Variants in CCSER2 observed in about 807,000 individuals in gnomAD.
CCSER2 encodes the protein coiled-coil serine rich protein 2.
A neutral mutation model predicts 92.3 loss-of-function variants in CCSER2; 46 were observed. The observed-to-expected ratio is 0.50, with a 90% confidence interval of 0.39 to 0.64. CCSER2 has a LOEUF of 0.64. Among genes scored for constraint, CCSER2 ranks in the 30% least tolerant of loss-of-function variants. The probability of loss-of-function intolerance (pLI) is 0.00; values close to 1 mark genes in which losing one functional copy is unlikely to be tolerated. For synonymous variants in CCSER2, 433 were observed against 431.4 expected (o/e 1.00, Z -0.04); for missense variants, 1,244 against 1,238.9 (o/e 1.00, Z -0.06).
chr10:84,451,264 T>TTG (rs1554853084), intron 6 of CCSER2, among the ~76,000 whole-genome samples: 19 of 136,272 alleles, frequency 1.4e-4, no homozygotes, highest in Admixed American at 4.6e-4. Context: ...GTTTTTTTTT[T>TTG]TTGTTTTTTG....
At chr10:84,440,166 G>A (rs1844438514) in intron 6 of CCSER2, among the ~76,000 whole-genome samples, 1 of 152,134 alleles carries the variant, frequency 6.6e-6, no homozygotes, top group African/African-American at 2.4e-5. Context: ...AAATAAAAAA[G>A]TGTTTTTTGA....
At chr10:84,483,765 GA>G (rs1847594968) in intron 9 of CCSER2, among the ~76,000 whole-genome samples, 1 of 148,658 alleles carries the variant, frequency 6.7e-6, no homozygotes, top group Non-Finnish European at 1.5e-5. Context: ...TTTTATGTTG[GA>G]AAAATGTCAA....
intron 8 of CCSER2, among the ~76,000 whole-genome samples, chr10:84,477,295 A>C (rs796527656): frequency 2.4e-4 from 37 of 152,340 alleles, no homozygotes; most frequent in African/African-American, 7.7e-4. Flanking sequence ...GAATAAGATG[A>C]GAGACCACTG....
At chr10:84,346,344 G>A (rs757703521) in intron 1 of CCSER2, among the ~76,000 whole-genome samples, 4 of 151,850 alleles carry the variant, frequency 2.6e-5, no homozygotes, top group African/African-American at 7.3e-5. Flanking sequence ...GATTACAGGC[G>A]TGAGCCACCG....
At chr10:84,401,499 A>T (rs929639219) in intron 3 of CCSER2, among the ~76,000 whole-genome samples, 1 of 152,220 alleles carries the variant, frequency 6.6e-6, no homozygotes, top group Non-Finnish European at 1.5e-5. Flanking sequence ...GTTGAAATAG[A>T]TAATTTGAAT....
chr10:84,409,635 T>G (rs1279790891), intron 3 of CCSER2, among the ~76,000 whole-genome samples: 20 of 152,098 alleles, frequency 1.3e-4, no homozygotes, highest in Admixed American at 1.3e-3. Context: ...TATGTTCAAA[T>G]GGAAAACATT....
At chr10:84,365,075 T>C (rs1319307876) in intron 1 of CCSER2, among the ~76,000 whole-genome samples, 4 of 152,098 alleles carry the variant, frequency 2.6e-5, no homozygotes, top group Admixed American at 2.0e-4. Context: ...ATACCAATAC[T>C]GTAAATTTGC....
intron 4 of CCSER2, 103 bp downstream of exon 4, chr10:84,417,964 C>A: frequency 1.5e-6 from 1 of 666,120 alleles, no homozygotes; most frequent in Non-Finnish European, 2.8e-6. Context: ...CTTAATGGAG[C>A]CTTTCAGACT....
chr10:84,448,305 C>A (rs1252124991), intron 6 of CCSER2, among the ~76,000 whole-genome samples: 3 of 152,148 alleles, frequency 2.0e-5, no homozygotes, highest in Non-Finnish European at 4.4e-5. Context: ...CCATGCCAGG[C>A]TGCTGATTAT....
chr10:84,465,378 G>T lies in CCSER2; in HGVS notation c.2148+1362G>T, dbSNP rs1304230290. On this transcript the variant is annotated intron_variant, in intron 7 of 9. Coordinates refer to ENST00000372088, the MANE Select transcript of CCSER2 (RefSeq NM_001284240.2). ...CTTGCTCTGTCACCCAGGCTGGAAT[G>T]TAGTGGCGCAATCTCGGCTCACTGC... Among the ~76,000 whole-genome samples the T allele has an allele frequency of 2.4e-5, 3 of 125,792 alleles. 1 individual carries two copies. Among genetic ancestry groups the T allele is most frequent in the Admixed American group, 1.9e-4 (2 of 10,510 alleles). 82.5% of individuals were successfully genotyped at this position (125,792 alleles called of 152,430 possible).
In CCSER2 at chr10:84,499,906, G is replaced by T. The variant is rs145794353; in HGVS notation, c.2326-13543G>T. 5.2e-5 allele frequency: 84 copies of T among 1,613,786 alleles called. No individual in the cohort carries two copies. In the African/African-American group the frequency reaches 9.6e-4, roughly 18 times the overall value. Reference sequence around the variant, plus strand: ...TATTCTGCTCCCTCCTTCTCTCCTTGGCAGGGCTCCTTCCAGGGGATCCCA... The same window carrying T: ...TATTCTGCTCCCTCCTTCTCTCCTTTGCAGGGCTCCTTCCAGGGGATCCCA... On this transcript the variant is annotated intron_variant, in intron 9 of 9. Coordinates refer to ENST00000372088, the MANE Select transcript of CCSER2 (RefSeq NM_001284240.2).
chr10:84,416,515 A>G (rs1178294630), intron 3 of CCSER2, among the ~76,000 whole-genome samples: 1 of 152,112 alleles, frequency 6.6e-6, no homozygotes, highest in African/African-American at 2.4e-5. Context: ...TTTTCTAGTT[A>G]CTTTTAGTCT....
At chr10:84,408,337 A>C (rs1473813081) in intron 3 of CCSER2, among the ~76,000 whole-genome samples, 2 of 152,060 alleles carry the variant, frequency 1.3e-5, no homozygotes, top group African/African-American at 4.8e-5. Flanking sequence ...TACAGAGTGG[A>C]TCTTTATCTA....
chr10:84,508,371 A>G (rs1469624682), intron 9 of CCSER2, among the ~76,000 whole-genome samples: 1 of 152,150 alleles, frequency 6.6e-6, no homozygotes, highest in Non-Finnish European at 1.5e-5. Flanking sequence ...GTTACTGGTT[A>G]TTATTTGCAA....
chr10:84,487,654 G>A (rs186071426), intron 9 of CCSER2, among the ~76,000 whole-genome samples: 7 of 152,284 alleles, frequency 4.6e-5, no homozygotes, highest in East Asian at 3.9e-4. Flanking sequence ...AGACGATGGC[G>A]TTTTCTAGAT....
chr10:84,402,203 T>G (rs1842154563), intron 3 of CCSER2, among the ~76,000 whole-genome samples: 1 of 152,144 alleles, frequency 6.6e-6, no homozygotes, highest in Admixed American at 6.6e-5. Context: ...GACCCATAAC[T>G]GCAATGCCTG....
intron 6 of CCSER2, among the ~76,000 whole-genome samples, chr10:84,450,228 G>A (rs994590943): frequency 2.0e-5 from 3 of 152,128 alleles, no homozygotes; most frequent in South Asian, 2.1e-4. Flanking sequence ...TACATTGTTC[G>A]AAAACTATAG....
chr10:84,372,052 A>G lies in CCSER2; in HGVS notation c.1000A>G (p.Met334Val), dbSNP rs200588575. The change falls in exon 2 of 10, where the codon ATG becomes GTG. Residue 334 changes from methionine (M) to valine (V), a missense_variant. Met to Val is a conservative substitution (Grantham distance 21). Coordinates refer to ENST00000372088, the MANE Select transcript of CCSER2 (RefSeq NM_001284240.2). ...KSSRSPFSGT[M>V]TVDGNKNSPA... ...TAGCCGATCTCCATTTTCTGGGACT[A>G]TGACAGTTGATGGAAATAAAAATTC... The G allele has an allele frequency of 2.4e-4, 389 of 1,613,880 alleles. 4 individuals carry two copies. In the Middle Eastern group the frequency reaches 0.013, roughly 55 times the overall value.
At chr10:84,397,068 A>G (rs892934527) in intron 3 of CCSER2, among the ~76,000 whole-genome samples, 1 of 152,240 alleles carries the variant, frequency 6.6e-6, no homozygotes, top group African/African-American at 2.4e-5. Flanking sequence ...TCAGTTGTGT[A>G]GAAACTTCTG....
Sources: allele counts gnomAD v4.1 joint callset (sites outside exome capture counted in the v4.1 genomes callset), GRCh38; gene constraint gnomAD v4.1.1; transcripts MANE v1.5; gene names NCBI Gene and HGNC (gene_info 2026-07-23, HGNC 2026-07-21).